The following QRSL1 variants were observed in gnomAD, a reference collection of about 807,000 sequenced individuals.
The protein encoded by QRSL1 is glutamyl-tRNA(Gln) amidotransferase subunit A, mitochondrial.
A neutral mutation model predicts 61.6 loss-of-function variants in QRSL1; 54 were observed. The ratio of observed to expected loss-of-function variants is 0.88; its 90% CI spans 0.70 to 1.10. The LOEUF (loss-of-function observed/expected upper bound fraction) is 1.10, where lower values mean the gene tolerates loss of function less well. QRSL1 is among the 50% of genes least tolerant of loss of function. The pLI, the probability that QRSL1 is intolerant of heterozygous loss-of-function variation, is 0.00. For missense variants in QRSL1, 505 were observed against 622.6 expected (o/e 0.81, Z 2.01); for synonymous variants, 228 against 225.7 (o/e 1.01, Z -0.09).
intron 5 of QRSL1, among the ~76,000 whole-genome samples, chr6:106,651,338 T>G (rs1430608440): frequency 6.6e-6 from 1 of 152,156 alleles, no homozygotes; most frequent in Non-Finnish European, 1.5e-5. Flanking sequence ...TTATTTAAAA[T>G]GCACATTAAT....
At chr6:106,632,647 A>G (rs1055749714) in intron 1 of QRSL1, among the ~76,000 whole-genome samples, 8 of 152,176 alleles carry the variant, frequency 5.3e-5, no homozygotes, top group African/African-American at 1.9e-4. Flanking sequence ...GATAGAAGCT[A>G]TTTTAACTGG....
rs1441405368 is a variant in QRSL1, at chr6:106,667,429, C to T, written c.*1427C>T. 1.3e-5 allele frequency: 2 copies of T among 152,204 alleles called. No individual in the cohort carries two copies. Among genetic ancestry groups the T allele is most frequent in the Non-Finnish European group, 2.9e-5 (2 of 68,044 alleles). 9.4% of individuals were successfully genotyped at this position (152,204 alleles called of 1,614,324 possible). On this transcript the variant is annotated 3_prime_UTR_variant, in exon 11 of 11. Coordinates refer to ENST00000369046, the MANE Select transcript of QRSL1 (RefSeq NM_018292.5). ...TCATCACTGGATTTCTGTGTCTTCACTAGAACACCATTGTCATCTCATATT... is the reference window on the plus strand; with the variant it reads ...TCATCACTGGATTTCTGTGTCTTCATTAGAACACCATTGTCATCTCATATT...
chr6:106,667,606 C>T lies in QRSL1; in HGVS notation c.*1604C>T, dbSNP rs576051640. 1 of 152,182 alleles carries T rather than the reference C, an allele frequency of 6.6e-6. No individual in the cohort carries two copies. The highest frequency in any genetic ancestry group is 2.1e-4 in the South Asian group (1 of 4,824). 9.4% of individuals were successfully genotyped at this position (152,182 alleles called of 1,614,324 possible). On this transcript the variant is annotated 3_prime_UTR_variant, in exon 11 of 11. Transcript: ENST00000369046. Reference sequence around the variant, plus strand: ...AATGAGTCAGAATCATCTGCAGAACCACTGGAATGTTTCATCGTCACCTGT... The same window carrying T: ...AATGAGTCAGAATCATCTGCAGAACTACTGGAATGTTTCATCGTCACCTGT...
At chr6:106,637,699 T>C (rs10499045) in intron 1 of QRSL1, among the ~76,000 whole-genome samples, 6,912 of 152,248 alleles carry the variant, frequency 0.045, 403 homozygotes, top group East Asian at 0.19. Context: ...AGAGAAAAGA[T>C]GTGCCAGAGA....
chr6:106,644,987 T>A (rs1777085657), intron 4 of QRSL1, among the ~76,000 whole-genome samples: 1 of 152,178 alleles, frequency 6.6e-6, no homozygotes, highest in Admixed American at 6.5e-5. Context: ...GCACTAATAA[T>A]AAAAAAGATT....
At chr6:106,649,763 A>G (rs1582414821) in intron 5 of QRSL1, among the ~76,000 whole-genome samples, 4 of 152,216 alleles carry the variant, frequency 2.6e-5, no homozygotes, top group Admixed American at 2.6e-4. Flanking sequence ...CTGTTTATCT[A>G]TCATACTTTG....
intron 10 of QRSL1, among the ~76,000 whole-genome samples, chr6:106,663,749 C>T (rs774051966): frequency 2.7e-4 from 41 of 152,178 alleles, no homozygotes; most frequent in Non-Finnish European, 4.7e-4. Flanking sequence ...AAACCATATC[C>T]GTACACTTGC....
chr6:106,643,984 G>A (rs1777067924), intron 4 of QRSL1, among the ~76,000 whole-genome samples: 1 of 151,174 alleles, frequency 6.6e-6, no homozygotes, highest in South Asian at 2.1e-4. Flanking sequence ...CGATTCTCCT[G>A]ACTCAGCCTC....
At position 106,668,250 on chromosome 6, in the gene QRSL1, T is replaced by A. The variant is rs1276315260; in HGVS notation, c.*2248T>A. 6.6e-6 allele frequency: 1 copy of A among 152,182 alleles called. No homozygotes were observed. Among genetic ancestry groups the A allele is most frequent in the South Asian group, 2.1e-4 (1 of 4,834 alleles). 9.4% of individuals were successfully genotyped at this position (152,182 alleles called of 1,614,324 possible). ...AAGTGAAACATTTACCGTTCTCATA[T>A]ACTGATACCCAACTACCATGAAATG... On this transcript the variant is annotated 3_prime_UTR_variant, in exon 11 of 11. Transcript: ENST00000369046.
Position 106,649,128 on chromosome 6 carries a change from G to C in QRSL1, c.484G>C (p.Asp162His), listed in dbSNP as rs150660158. Residue 162 changes from aspartate (D) to histidine (H), a missense_variant, in exon 5 of 11, where the codon GAT (aspartate) becomes CAT (histidine). By Grantham distance (81) the Asp-to-His change is moderately conservative. Transcript: ENST00000369046. ...GCAGAATCCCCACAGCGAGAATGAA[G>C]ATTCAGACTGGCTGATAACTGGAGG... ...RKQNPHSENE[D>H]SDWLITGGSS... 1.2e-5 allele frequency: 20 copies of C among 1,614,206 alleles called. No homozygotes were observed. In the African/African-American group the frequency reaches 1.9e-4, roughly 15 times the overall value.
intron 1 of QRSL1, 159 bp from the exon 2 acceptor site, chr6:106,640,190 C>A: frequency 1.6e-6 from 1 of 627,528 alleles, no homozygotes; most frequent in Non-Finnish European, 2.8e-6. Context: ...CCTTCATCCA[C>A]TACACTAAGT....
In QRSL1 at chr6:106,643,214, T is replaced by C; in HGVS notation, c.380+124T>C. ...TCTTAGTCCCTCTGTGAGATTATGT[T>C]ATGTTGTTTAATAGATATATAGTCA... On this transcript the variant is annotated intron_variant, in intron 4 of 10. Transcript: ENST00000369046. The C allele has an allele frequency of 5.8e-6, 4 of 688,016 alleles. No individual in the cohort carries two copies. In the South Asian group the frequency reaches 7.9e-5, roughly 14 times the overall value. The allele number at this position is 688,016 out of a possible 1,614,324, so 42.6% of individuals were successfully genotyped here. A position where few individuals can be genotyped will look rare whatever the true frequency, so the allele number is the denominator to read the frequency against.
In QRSL1 at chr6:106,654,935, G is replaced by C. The variant is rs368171722; in HGVS notation, c.1042+13G>C. The C allele has an allele frequency of 2.0e-6, 3 of 1,538,230 alleles. No homozygotes were observed. In the African/African-American group the frequency reaches 4.2e-5, roughly 22 times the overall value. ...GGGCTACAATATGGTAAGATGGCTG[G>C]GTTATTTTATTTTTAAGGTAGTTGT... On this transcript the variant is annotated intron_variant, in intron 8 of 10. Coordinates refer to ENST00000369046, the MANE Select transcript of QRSL1 (RefSeq NM_018292.5).
intron 1 of QRSL1, among the ~76,000 whole-genome samples, chr6:106,630,247 G>C (rs887538877): frequency 6.6e-6 from 1 of 151,996 alleles, no homozygotes; most frequent in Admixed American, 6.6e-5. Context: ...ATGCTTTCTG[G>C]GCAGTTCTTC....
At chr6:106,637,127 G>C (rs974888368) in intron 1 of QRSL1, among the ~76,000 whole-genome samples, 3 of 152,212 alleles carry the variant, frequency 2.0e-5, no homozygotes. Flanking sequence ...GTTTCTGGCA[G>C]AATTCATTTC....
chr6:106,657,319 T>TA (rs113729590), intron 9 of QRSL1, among the ~76,000 whole-genome samples: 12,744 of 152,118 alleles, frequency 0.084, 591 homozygotes, highest in East Asian at 0.11. Flanking sequence ...AAAAGACTGT[T>TA]ACCATATTGA....
Position 106,667,542 on chromosome 6 carries a change from A to C in QRSL1, c.*1540A>C, listed in dbSNP as rs1777457603. The C allele has an allele frequency of 2.6e-5, 4 of 152,242 alleles. No homozygotes were observed. The South Asian group carries it at 8.3e-4, about 32-fold the overall frequency. The allele number at this position is 152,242 out of a possible 1,614,324, so 9.4% of individuals were successfully genotyped here. On this transcript the variant is annotated 3_prime_UTR_variant, in exon 11 of 11. Coordinates refer to ENST00000369046, the MANE Select transcript of QRSL1 (RefSeq NM_018292.5). ...ATAAATTCACTTTGTTTAGTAAAAA[A>C]AAATTGTTTTCTAAATATGACGTTC...
intron 1 of QRSL1, among the ~76,000 whole-genome samples, chr6:106,630,349 A>G (rs537238337): frequency 3.9e-5 from 6 of 152,248 alleles, no homozygotes; most frequent in African/African-American, 1.4e-4. Context: ...GTCTTAAAAA[A>G]GCTCTGGTAT....
intron 7 of QRSL1, chr6:106,653,676 T>A (rs990433584): frequency 7.3e-5 from 11 of 151,634 alleles, no homozygotes; most frequent in African/African-American, 2.2e-4. Context: ...TTTAAAAAAA[T>A]TGTGGGGTGT....
Sources: gnomAD v4.1 joint callset for allele counts (sites outside exome capture counted in the v4.1 genomes callset) on GRCh38, gnomAD v4.1.1 for gene constraint, MANE v1.5 for transcripts, NCBI Gene and HGNC (gene_info 2026-07-23, HGNC 2026-07-21) for gene names.